TMEM232: variants seen among roughly 807,000 people sequenced by gnomAD.
The protein encoded by TMEM232 is transmembrane protein 232.
A neutral mutation model predicts 78.8 loss-of-function variants in TMEM232; 80 were observed. The observed-to-expected ratio is 1.01, with a 90% CI of 0.85 to 1.22. The LOEUF is 1.22. TMEM232 is among the 50% of genes most tolerant of loss of function. TMEM232 has a pLI of 0.00. For synonymous variants in TMEM232, 297 were observed against 254.3 expected (o/e 1.17, Z -1.60); for missense variants, 881 against 742.2 (o/e 1.19, Z -2.17).
At chr5:110,447,053 C>G (rs1042151702) in intron 12 of TMEM232, among the ~76,000 whole-genome samples, 1 of 151,472 alleles carries the variant, frequency 6.6e-6, no homozygotes, top group Non-Finnish European at 1.5e-5. Flanking sequence ...ACTGTGCTCC[C>G]AAAGTGAGAC....
chr5:110,737,602 C>A (rs1799321168), intron 1 of TMEM232, among the ~76,000 whole-genome samples: 1 of 152,068 alleles, frequency 6.6e-6, no homozygotes, highest in Non-Finnish European at 1.5e-5. Context: ...TACCTTTTTT[C>A]AATTAGTAAA....
intron 11 of TMEM232, among the ~76,000 whole-genome samples, chr5:110,557,865 C>T (rs190943028): frequency 7.2e-4 from 110 of 152,284 alleles, no homozygotes; most frequent in Non-Finnish European, 1.2e-3. Flanking sequence ...ATCAAAGACA[C>T]TCTGGCTTTT....
intron 11 of TMEM232, among the ~76,000 whole-genome samples, chr5:110,562,650 G>C (rs1185877962): frequency 6.6e-6 from 1 of 151,962 alleles, no homozygotes; most frequent in Non-Finnish European, 1.5e-5. Flanking sequence ...TTCTGGATGA[G>C]ACAATAAAGC....
At chr5:110,596,419 G>A (rs546162224) in intron 10 of TMEM232, among the ~76,000 whole-genome samples, 58 of 152,188 alleles carry the variant, frequency 3.8e-4, no homozygotes, top group Admixed American at 2.1e-3. Context: ...ATTCACAGCC[G>A]AATTCTACCA....
Position 110,656,602 on chromosome 5 carries a change from G to A in TMEM232, c.125+10626C>T, listed in dbSNP as rs185038747. ...CGCCTATAATCCCAGCACTTTGGGA[G>A]GCTGAGGCGGGAGGATCACGAGGTC... On this transcript the variant is annotated intron_variant, in intron 2 of 13. Coordinates refer to ENST00000455884, the MANE Select transcript of TMEM232 (RefSeq NM_001039763.4). Among the ~76,000 whole-genome samples, 9 of 152,300 alleles carry A rather than the reference G, an allele frequency of 5.9e-5. No individual in the cohort carries two copies. In the East Asian group the frequency reaches 1.4e-3, roughly 23 times the overall value.
intron 3 of TMEM232, among the ~76,000 whole-genome samples, chr5:110,396,359 G>A (rs962320506): frequency 2.0e-5 from 3 of 151,880 alleles, no homozygotes; most frequent in Admixed American, 6.6e-5. Context: ...ATATCACACT[G>A]GTTTACCTAT....
At chr5:110,423,780 CGTGTGTGT>C (rs146104536) in intron 13 of TMEM232, among the ~76,000 whole-genome samples, 8 of 142,390 alleles carry the variant, frequency 5.6e-5, no homozygotes, top group African/African-American at 1.0e-4. Context: ...TTTATGCGTG[CGTGTGTGT>C]GTGTGTGTGT....
chr5:110,457,885 T>A (rs1014888329), intron 12 of TMEM232, among the ~76,000 whole-genome samples: 39 of 152,106 alleles, frequency 2.6e-4, no homozygotes, highest in African/African-American at 9.2e-4. Flanking sequence ...TAATAATATA[T>A]GATGTATATT....
At chr5:110,428,486 C>A in intron 12 of TMEM232, among the ~76,000 whole-genome samples, 1 of 151,688 alleles carries the variant, frequency 6.6e-6, no homozygotes, top group Non-Finnish European at 1.5e-5. Context: ...GGAAGATAGC[C>A]ACCATCTGCC....
chr5:110,633,651 GC>G (rs890010483), intron 5 of TMEM232, among the ~76,000 whole-genome samples: 1 of 152,080 alleles, frequency 6.6e-6, no homozygotes, highest in African/African-American at 2.4e-5. Context: ...TGTAAAGAAG[GC>G]CCTTGCTTCT....
At chr5:110,674,386 A>T (rs752378519) in intron 1 of TMEM232, among the ~76,000 whole-genome samples, 6 of 152,232 alleles carry the variant, frequency 3.9e-5, no homozygotes, top group Non-Finnish European at 8.8e-5. Context: ...GAAAAAAGTA[A>T]TGAAGCAAAT....
At chr5:110,486,184 A>G (rs1287069828) in intron 12 of TMEM232, among the ~76,000 whole-genome samples, 2 of 148,982 alleles carry the variant, frequency 1.3e-5, no homozygotes, top group Non-Finnish European at 3.0e-5. Flanking sequence ...TTTTTTCCAT[A>G]CTGATTTGAG....
At chr5:110,428,006 TTTTA>T (rs955309456) in intron 12 of TMEM232, among the ~76,000 whole-genome samples, 1 of 151,854 alleles carries the variant, frequency 6.6e-6, no homozygotes, top group Non-Finnish European at 1.5e-5. Flanking sequence ...AATTATACTT[TTTTA>T]GTTATTTTAA....
At chr5:110,629,751 C>G (rs1784880051) in intron 5 of TMEM232, among the ~76,000 whole-genome samples, 1 of 152,018 alleles carries the variant, frequency 6.6e-6, no homozygotes, top group South Asian at 2.1e-4. Flanking sequence ...TTGGTTCTTG[C>G]ATAGAATCTT....
At chr5:110,633,243 T>C (rs554061599) in intron 5 of TMEM232, among the ~76,000 whole-genome samples, 174 of 152,226 alleles carry the variant, frequency 1.1e-3, no homozygotes, top group Non-Finnish European at 2.1e-3. Flanking sequence ...AAGGGAGTTC[T>C]AAACCTGGAA....
At chr5:110,521,493 C>A (rs558924346) in intron 12 of TMEM232, among the ~76,000 whole-genome samples, 1 of 152,078 alleles carries the variant, frequency 6.6e-6, no homozygotes, top group Non-Finnish European at 1.5e-5. Context: ...TTTTGTCACC[C>A]GGAGTTTTGG....
Position 110,391,347 on chromosome 5 carries a change from G to GAA in TMEM232, n.391-709_391-708dup, listed in dbSNP as rs1554071722. ...TGTGTGAGAGAGAGAGAGAGAGAGA[G>GAA]AAACCTCTGTGGGACATATCCATAT... On this transcript the variant is annotated intron_variant and non_coding_transcript_variant, in intron 3 of 8. Coordinates refer to the TMEM232 transcript ENST00000507188. Among the ~76,000 whole-genome samples the GAA allele has an allele frequency of 9.8e-4, 148 of 150,598 alleles. 1 individual carries two copies. The highest frequency in any genetic ancestry group is 3.4e-3 in the African/African-American group (137 of 40,710).
intron 1 of TMEM232, among the ~76,000 whole-genome samples, chr5:110,701,134 GA>G (rs1296712709): frequency 2.0e-5 from 3 of 151,824 alleles, no homozygotes; most frequent in Admixed American, 2.0e-4. Context: ...GGAAATGACT[GA>G]AAAAGAACTG....
intron 1 of TMEM232, among the ~76,000 whole-genome samples, chr5:110,707,317 G>A (rs1200768553): frequency 6.6e-6 from 1 of 152,148 alleles, no homozygotes; most frequent in Non-Finnish European, 1.5e-5. Flanking sequence ...ATGGCACCAT[G>A]GCACAGAAAA....
Sources: allele counts gnomAD v4.1 joint callset (sites outside exome capture counted in the v4.1 genomes callset), GRCh38; gene constraint gnomAD v4.1.1; transcripts MANE v1.5; gene names NCBI Gene and HGNC (gene_info 2026-07-23, HGNC 2026-07-21).